The following MARCHF6 variants were observed in gnomAD, a reference collection of about 807,000 sequenced individuals.
The protein encoded by MARCHF6 is E3 ubiquitin-protein ligase MARCHF6.
A neutral mutation model predicts 133.7 loss-of-function variants in MARCHF6; 31 were observed. The ratio of observed to expected loss-of-function variants is 0.23; its 90% CI spans 0.17 to 0.31. The LOEUF is 0.31. MARCHF6 is among the 10% of genes least tolerant of loss of function. The probability of loss-of-function intolerance (pLI) is 1.00; values close to 1 mark genes in which losing one functional copy is unlikely to be tolerated. For missense variants in MARCHF6, 723 were observed against 1,121.6 expected, an observed-to-expected ratio of 0.64 and a Z score of 5.08; for synonymous variants, 395 against 402.5, an observed-to-expected ratio of 0.98 and a Z score of 0.22.
Position 10,435,689 on chromosome 5 carries a change from A to T in MARCHF6, c.*2005A>T, listed in dbSNP as rs1328252600. The T allele has an allele frequency of 0.011, 70 of 6,290 alleles. 8 individuals are homozygous for T. The highest frequency in any genetic ancestry group is 0.06 in the African/African-American group (63 of 1,046). The allele number at this position is 6,290 out of a possible 1,614,324, so 0.4% of individuals were successfully genotyped here. On this transcript the variant is annotated 3_prime_UTR_variant, in exon 26 of 26. Coordinates refer to ENST00000274140, the MANE Select transcript of MARCHF6 (RefSeq NM_005885.4). ...TATATATATATATATATATATATAT[A>T]TATATATATTTTTTTTTTTTTTTTT...
chr5:10,429,816 T>TAA (rs1403890584), intron 24 of MARCHF6, 77 bp from the exon 25 acceptor site: 1 of 1,240,328 alleles, frequency 8.1e-7, no homozygotes, highest in African/African-American at 1.5e-5. Context: ...TCCATTCTTC[T>TAA]AGGGGAAGGA....
chr5:10,415,585 C>T lies in MARCHF6; in HGVS notation c.2064C>T (p.Thr688=), dbSNP rs771382376. The change falls in exon 21 of 26, where the codon ACC becomes ACT. Residue 688 remains threonine (T), a synonymous_variant. Transcript: ENST00000274140. ...AACGLYVCWL[T]IRAVTVMVAW... ...GTGGTCTCTATGTTTGCTGGCTAAC[C>T]ATAAGGGCTGTGACGGTGATGGTGG... 2 of 1,614,034 alleles carry T rather than the reference C, an allele frequency of 1.2e-6. No homozygotes were observed. Among genetic ancestry groups the T allele is most frequent in the South Asian group, 1.1e-5 (1 of 91,090 alleles).
Position 10,417,417 on chromosome 5 carries a change from C to T in MARCHF6, c.2283+13C>T. Reference sequence around the variant, plus strand: ...TTATCCATGGCAGGTAAATGTATGTCTTTTGCTCATGTTATTTCATTAAGG... The same window carrying T: ...TTATCCATGGCAGGTAAATGTATGTTTTTTGCTCATGTTATTTCATTAAGG... On this transcript the variant is annotated intron_variant, in intron 22 of 25. Coordinates refer to ENST00000274140, the MANE Select transcript of MARCHF6 (RefSeq NM_005885.4). The T allele has an allele frequency of 6.2e-7, 1 of 1,613,076 alleles. No homozygotes were observed.
At chr5:10,393,306 C>A (rs1223636824) in intron 7 of MARCHF6, among the ~76,000 whole-genome samples, 1 of 152,136 alleles carries the variant, frequency 6.6e-6, no homozygotes, top group Non-Finnish European at 1.5e-5. Context: ...AACTCCTGGG[C>A]TCAAGTGATC....
chr5:10,365,585 C>G lies in MARCHF6; in HGVS notation c.19+11668C>G, dbSNP rs576831470. Among the ~76,000 whole-genome samples, 11 of 152,314 alleles carry G rather than the reference C, an allele frequency of 7.2e-5. No homozygotes were observed. The South Asian group carries it at 2.1e-3, about 29-fold the overall frequency. On this transcript the variant is annotated intron_variant, in intron 1 of 25. Coordinates refer to ENST00000274140, the MANE Select transcript of MARCHF6 (RefSeq NM_005885.4). Reference sequence around the variant, plus strand: ...GGGATTACAGGCGTGAGCCACTGCACCTGGCCGAGAATTGGAATTTTTAAA... The same window carrying G: ...GGGATTACAGGCGTGAGCCACTGCAGCTGGCCGAGAATTGGAATTTTTAAA...
rs946687458 is a variant in MARCHF6, at chr5:10,437,501, T to G, written c.*3817T>G. The G allele has an allele frequency of 6.6e-5, 10 of 152,230 alleles. No individual in the cohort carries two copies. The highest frequency in any genetic ancestry group is 5.9e-5 in the Non-Finnish European group (4 of 68,038). 9.4% of individuals were successfully genotyped at this position (152,230 alleles called of 1,614,324 possible). On this transcript the variant is annotated 3_prime_UTR_variant, in exon 26 of 26. Transcript: ENST00000274140. Reference sequence around the variant, plus strand: ...AAAATAGCCATCATGAGTAAGGGCTTCTTTAAAATAATCCCTGACAATATC... The same window carrying G: ...AAAATAGCCATCATGAGTAAGGGCTGCTTTAAAATAATCCCTGACAATATC...
intron 24 of MARCHF6, among the ~76,000 whole-genome samples, 173 bp downstream of exon 24, chr5:10,426,695 A>G (rs918778900): frequency 4.5e-4 from 69 of 152,216 alleles, no homozygotes; most frequent in Non-Finnish European, 4.6e-4. Context: ...ATTCTGGGTA[A>G]GATTAGAGGA....
chr5:10,435,918 T>C lies in MARCHF6; in HGVS notation c.*2234T>C, dbSNP rs1265031131. 6.6e-6 allele frequency: 1 copy of C among 151,024 alleles called. No homozygotes were observed. Among genetic ancestry groups the C allele is most frequent in the African/African-American group, 2.4e-5 (1 of 41,130 alleles). The allele number at this position is 151,024 out of a possible 1,614,324, so 9.4% of individuals were successfully genotyped here. A position where few individuals can be genotyped will look rare whatever the true frequency, so the allele number is the denominator to read the frequency against. On this transcript the variant is annotated 3_prime_UTR_variant, in exon 26 of 26. Coordinates refer to ENST00000274140, the MANE Select transcript of MARCHF6 (RefSeq NM_005885.4). ...TTTTAGTAGAGATAGGGTTTCACCATGTTGGCCAGGCTGGTCTCGGAACTC... is the reference window on the plus strand; with the variant it reads ...TTTTAGTAGAGATAGGGTTTCACCACGTTGGCCAGGCTGGTCTCGGAACTC...
rs561004585 is a variant in MARCHF6 at position 10,359,118 on chromosome 5, AT to A, written c.19+5203del. On this transcript the variant is annotated intron_variant, in intron 1 of 25. Coordinates refer to ENST00000274140, the MANE Select transcript of MARCHF6 (RefSeq NM_005885.4). ...CTCTCTGGATTCTCTTGTATTTTTCATTGCATTTAGTGCAGTACCCTAAACT... is the reference window on the plus strand; with the variant it reads ...CTCTCTGGATTCTCTTGTATTTTTCATGCATTTAGTGCAGTACCCTAAACT... Among the ~76,000 whole-genome samples, 27 of 152,260 alleles carry A rather than the reference AT, an allele frequency of 1.8e-4. No individual in the cohort carries two copies. The South Asian group carries it at 5.4e-3, about 30-fold the overall frequency.
At chr5:10,411,656 T>A in intron 19 of MARCHF6, 119 bp downstream of exon 19, 1 of 648,092 alleles carries the variant, frequency 1.5e-6, no homozygotes, top group African/African-American at 1.9e-5. Context: ...TGTTCCACAT[T>A]TTATTACCCT....
chr5:10,427,834 TGAGGTGG>T (rs1332495718), intron 24 of MARCHF6, among the ~76,000 whole-genome samples: 9 of 152,138 alleles, frequency 5.9e-5, no homozygotes, highest in Non-Finnish European at 1.0e-4. Flanking sequence ...CTTGGGAGGC[TGAGGTGG>T]GAGGTTGCTT....
At chr5:10,423,175 G>T (rs940851445) in intron 22 of MARCHF6, among the ~76,000 whole-genome samples, 1 of 150,168 alleles carries the variant, frequency 6.7e-6, no homozygotes, top group South Asian at 2.1e-4. Context: ...TGGGGAAGGG[G>T]GCTGTGGGGA....
chr5:10,413,005 A>G (rs1739314782), intron 19 of MARCHF6, among the ~76,000 whole-genome samples: 1 of 152,124 alleles, frequency 6.6e-6, no homozygotes, highest in African/African-American at 2.4e-5. Flanking sequence ...GGTGGGAGAT[A>G]ACGCTCTTGA....
At chr5:10,402,640 T>C in intron 14 of MARCHF6, 33 bp downstream of exon 14, 1 of 1,522,622 alleles carries the variant, frequency 6.6e-7, no homozygotes, top group Non-Finnish European at 9.1e-7. Flanking sequence ...TATAATAGCA[T>C]AATTTAAGGG....
At chr5:10,354,691 C>T (rs1004065068) in intron 1 of MARCHF6, 2 of 152,086 alleles carry the variant, frequency 1.3e-5, no homozygotes, top group African/African-American at 4.8e-5. Flanking sequence ...TATTTTTAAC[C>T]AGCTGTGTTT....
chr5:10,407,071 T>A, intron 16 of MARCHF6, 31 bp from the exon 17 acceptor site: 1 of 1,231,204 alleles, frequency 8.1e-7, no homozygotes, highest in Non-Finnish European at 1.2e-6. Context: ...TTGACTCTTA[T>A]AGTGGTGTCA....
intron 25 of MARCHF6, among the ~76,000 whole-genome samples, chr5:10,430,375 G>T (rs1320923874): frequency 1.4e-5 from 2 of 138,426 alleles, no homozygotes; most frequent in Non-Finnish European, 3.0e-5. Flanking sequence ...GTGCGAACTT[G>T]GCTCACTGCA....
chr5:10,392,745 T>C (rs1248147543), intron 7 of MARCHF6, among the ~76,000 whole-genome samples: 1 of 151,072 alleles, frequency 6.6e-6, no homozygotes, highest in Non-Finnish European at 1.5e-5. Flanking sequence ...CACAGCAAGA[T>C]TCCGTCTCAA....
Position 10,414,476 on chromosome 5 carries a change from C to G in MARCHF6, c.1940C>G (p.Ala647Gly). Reference protein sequence around the residue: ...IVFMCITLLIASLICLTLPVF... With the variant: ...IVFMCITLLIGSLICLTLPVF... ...TTCATGTGTATAACATTACTGATTG[C>G]CAGCCTCATCTGCCTTACTTTACCA... The change falls in exon 20 of 26, where the codon GCC becomes GGC. Residue 647 changes from alanine (A) to glycine (G), a missense_variant. Physicochemically the swap from Ala to Gly is moderately conservative, Grantham distance 60 (BLOSUM62 0). This residue lies in a region of MARCHF6 where 492 missense variants were observed against 699.5 expected (regional missense o/e 0.70). Coordinates refer to ENST00000274140, the MANE Select transcript of MARCHF6 (RefSeq NM_005885.4). 6.2e-7 allele frequency: 1 copy of G among 1,613,398 alleles called. No individual in the cohort carries two copies. Among genetic ancestry groups the G allele is most frequent in the Non-Finnish European group, 8.5e-7 (1 of 1,179,542 alleles).
Sources: allele counts gnomAD v4.1 joint callset (sites outside exome capture counted in the v4.1 genomes callset), GRCh38; gene constraint gnomAD v4.1.1; regional missense constraint gnomAD v4.1.1; transcripts MANE v1.5; gene names NCBI Gene and HGNC (gene_info 2026-07-23, HGNC 2026-07-21).